The following BLNK variants were observed in gnomAD, a reference collection of about 807,000 sequenced individuals.
BLNK encodes the protein B cell linker, also known as B-cell linker protein.
In BLNK, 29 loss-of-function variants were observed where a neutral mutation model predicts 73.5. The ratio of observed to expected loss-of-function variants is 0.39; its 90% CI spans 0.29 to 0.54. The LOEUF is 0.54. Among genes scored for constraint, BLNK ranks in the 20% least tolerant of loss-of-function variants. The pLI, the probability that BLNK is intolerant of heterozygous loss-of-function variation, is 0.61. For missense variants in BLNK, 460 were observed against 562.8 expected, an observed-to-expected ratio of 0.82 and a Z score of 1.85; for synonymous variants, 176 against 200.8, an observed-to-expected ratio of 0.88 and a Z score of 1.04.
intron 11 of BLNK, 26 bp downstream of exon 11, chr10:96,206,985 T>G: frequency 6.2e-7 from 1 of 1,608,450 alleles, no homozygotes; most frequent in Non-Finnish European, 8.5e-7. Flanking sequence ...GAGGACATGC[T>G]CATCCTTCAA....
At chr10:96,244,255 A>G (rs1437208615) in intron 2 of BLNK, among the ~76,000 whole-genome samples, 1 of 152,342 alleles carries the variant, frequency 6.6e-6, no homozygotes, top group Non-Finnish European at 1.5e-5. Context: ...AAGAAAAACA[A>G]AAACAAAACT....
intron 5 of BLNK, among the ~76,000 whole-genome samples, chr10:96,226,076 T>C (rs868936086): frequency 6.6e-6 from 1 of 152,328 alleles, no homozygotes; most frequent in Middle Eastern, 3.4e-3. Context: ...CGAGTTGTGA[T>C]GAGCTGGGCT....
intron 1 of BLNK, among the ~76,000 whole-genome samples, chr10:96,270,640 GA>G (rs781974850): frequency 2.0e-3 from 294 of 149,958 alleles, no homozygotes; most frequent in Non-Finnish European, 2.9e-3. Context: ...TAAAAAATGT[GA>G]AAAAAAAACT....
chr10:96,206,957 T>A, intron 11 of BLNK, 54 bp downstream of exon 11: 1 of 1,539,284 alleles, frequency 6.5e-7, no homozygotes, highest in Non-Finnish European at 9.0e-7. Flanking sequence ...ATACAAATCC[T>A]TAATAAAATA....
At chr10:96,261,319 A>G (rs1843746106) in intron 1 of BLNK, among the ~76,000 whole-genome samples, 1 of 152,214 alleles carries the variant, frequency 6.6e-6, no homozygotes, top group Non-Finnish European at 1.5e-5. Context: ...GCATTTAGTA[A>G]ATTCACAATA....
intron 1 of BLNK, among the ~76,000 whole-genome samples, chr10:96,261,491 G>A (rs769282450): frequency 3.9e-5 from 6 of 152,150 alleles, no homozygotes; most frequent in Non-Finnish European, 7.3e-5. Flanking sequence ...CATGCTAAGA[G>A]GTTGTTAATA....
rs1842400758 is a variant in BLNK, at chr10:96,229,234, GC to G, written c.204+1559del. Among the ~76,000 whole-genome samples, 3 of 129,702 alleles carry G rather than the reference GC, an allele frequency of 2.3e-5. No individual in the cohort carries two copies. The East Asian group carries it at 6.9e-4, about 30-fold the overall frequency. 85.1% of individuals were successfully genotyped at this position (129,702 alleles called of 152,430 possible). A position where few individuals can be genotyped will look rare whatever the true frequency, so the allele number is the denominator to read the frequency against. ...CCCTGTTTCCCTCCCCCCACCTGCT[GC>G]CCCCTCGACCACCCTTCCCAGCCTC... is the stretch of plus-strand genomic sequence containing the variant. On this transcript the variant is annotated intron_variant, in intron 4 of 16. Coordinates refer to ENST00000224337, the MANE Select transcript of BLNK (RefSeq NM_013314.4).
chr10:96,263,739 T>C (rs1484318933), intron 1 of BLNK, among the ~76,000 whole-genome samples: 4 of 152,088 alleles, frequency 2.6e-5, no homozygotes, highest in Non-Finnish European at 5.9e-5. Context: ...AAGTCAGACT[T>C]TCTTGCTCAT....
chr10:96,259,670 C>CTTTTTTTTTTTTTTTTTTTTTTTTTTTCT (rs57821919), intron 1 of BLNK, among the ~76,000 whole-genome samples: 2 of 44,872 alleles, frequency 4.5e-5, no homozygotes, highest in South Asian at 1.8e-3. Context: ...CACACCCTAC[C>CTTTTTTTTTTTTTTTTTTTTTTTTTTTCT]TTTTTTTTTT....
chr10:96,240,000 A>G (rs1288498129), intron 3 of BLNK, among the ~76,000 whole-genome samples: 5 of 152,142 alleles, frequency 3.3e-5, no homozygotes, highest in African/African-American at 4.8e-5. Flanking sequence ...ATTCCTGCAC[A>G]TTTGTCCCCG....
intron 7 of BLNK, among the ~76,000 whole-genome samples, chr10:96,215,640 T>C (rs1444832886): frequency 6.6e-6 from 1 of 152,224 alleles, no homozygotes. Context: ...TATTTGATGA[T>C]AGAGATCTTG....
chr10:96,234,211 C>A (rs1842613972), intron 3 of BLNK, among the ~76,000 whole-genome samples: 1 of 152,186 alleles, frequency 6.6e-6, no homozygotes, highest in Non-Finnish European at 1.5e-5. Context: ...ATGACCCAAT[C>A]CAGACATCTT....
Position 96,207,846 on chromosome 10 carries a change from C to T in BLNK, c.774+26G>A, listed in dbSNP as rs376511549. On this transcript the variant is annotated intron_variant, in intron 10 of 16. Transcript: ENST00000224337. ...AATAAACACTGCAGGAAATATGAAG[C>T]ACTTTTAAATGCAAAATTAACTTAC... 7 of 1,613,072 alleles carry T rather than the reference C, an allele frequency of 4.3e-6. No homozygotes were observed. The Admixed American group carries it at 1.2e-4, about 27-fold the overall frequency.
At chr10:96,198,857 C>A (rs1367621113) in intron 15 of BLNK, among the ~76,000 whole-genome samples, 3 of 152,190 alleles carry the variant, frequency 2.0e-5, no homozygotes, top group African/African-American at 7.2e-5. Flanking sequence ...CGCCATCACG[C>A]CTGGCTAATT....
chr10:96,207,465 C>T (rs1229447497), intron 10 of BLNK, among the ~76,000 whole-genome samples: 1 of 152,174 alleles, frequency 6.6e-6, no homozygotes, highest in Non-Finnish European at 1.5e-5. Context: ...GGTGGGCTCC[C>T]TTATGTAGTG....
intron 6 of BLNK, among the ~76,000 whole-genome samples, chr10:96,219,685 T>A (rs1268446552): frequency 2.0e-5 from 3 of 152,242 alleles, no homozygotes; most frequent in Non-Finnish European, 4.4e-5. Flanking sequence ...GTGTTTAGAA[T>A]CTGAGCTGTT....
intron 16 of BLNK, among the ~76,000 whole-genome samples, chr10:96,195,802 T>C (rs2083451071): frequency 6.6e-6 from 1 of 152,210 alleles, no homozygotes; most frequent in Admixed American, 6.5e-5. Context: ...TATATGTGGT[T>C]TTTTAACCAC....
chr10:96,211,327 A>C (rs782573656), intron 8 of BLNK, among the ~76,000 whole-genome samples: 19 of 152,340 alleles, frequency 1.2e-4, no homozygotes, highest in African/African-American at 4.6e-4. Flanking sequence ...TGTAAAGCAC[A>C]TGAAGGCACT....
At chr10:96,254,934 T>C (rs1554910642) in intron 1 of BLNK, among the ~76,000 whole-genome samples, 2 of 152,186 alleles carry the variant, frequency 1.3e-5, no homozygotes, top group African/African-American at 4.8e-5. Context: ...CACATTAGAA[T>C]CACTTAGGGG....
Sources: gnomAD v4.1 joint callset for allele counts (sites outside exome capture counted in the v4.1 genomes callset) on GRCh38, gnomAD v4.1.1 for gene constraint, MANE v1.5 for transcripts, NCBI Gene and HGNC (gene_info 2026-07-23, HGNC 2026-07-21) for gene names.